Variants in FHOD3 observed in about 807,000 individuals in gnomAD.
The protein encoded by FHOD3 is formin homology 2 domain containing 3.
FHOD3 carries 90 observed loss-of-function variants against 173.0 expected under a neutral mutation model. The ratio of observed to expected loss-of-function variants is 0.52; its 90% CI spans 0.44 to 0.62. The LOEUF (loss-of-function observed/expected upper bound fraction) is 0.62, where lower values mean the gene tolerates loss of function less well. Among genes scored for constraint, FHOD3 ranks in the 20% least tolerant of loss-of-function variants. The pLI, the probability that FHOD3 is intolerant of heterozygous loss-of-function variation, is 0.00. For missense variants in FHOD3, 1,945 were observed against 2,034.7 expected, an observed-to-expected ratio of 0.96 and a Z score of 0.85; for synonymous variants, 828 against 823.0, an observed-to-expected ratio of 1.01 and a Z score of -0.10.
chr18:36,302,103 G>A (rs2091968797), intron 1 of FHOD3, among the ~76,000 whole-genome samples: 1 of 152,182 alleles, frequency 6.6e-6, no homozygotes, highest in Non-Finnish European at 1.5e-5. Context: ...GTTCCGAGTT[G>A]GCATGTGACA....
chr18:36,302,079 CA>C (rs1484325802), intron 1 of FHOD3, among the ~76,000 whole-genome samples: 1 of 152,210 alleles, frequency 6.6e-6, no homozygotes, highest in Non-Finnish European at 1.5e-5. Flanking sequence ...GTCACCTGGT[CA>C]CATGAGTGAG....
rs2043271532 is a variant in FHOD3 at position 36,769,300 on chromosome 18, T to C, written c.4660T>C (p.Ser1554Pro). 6 of 1,614,090 alleles carry C rather than the reference T, an allele frequency of 3.7e-6. No homozygotes were observed. The highest frequency in any genetic ancestry group is 5.1e-6 in the Non-Finnish European group (6 of 1,180,044). The change falls in exon 28 of 29, where the codon TCG becomes CCG. Residue 1554 changes from serine to proline, a missense_variant. Physicochemically the swap from Ser to Pro is moderately conservative, Grantham distance 74 (BLOSUM62 -1). Coordinates refer to ENST00000590592, the MANE Select transcript of FHOD3 (RefSeq NM_001281740.3). ...TTCCTGGACTATGGGAACTGATGAC[T>C]CGCCCAATGTCACAGATGATGCAGC... Reference protein sequence around the residue: ...TSSWTMGTDDSPNVTDDAADE... With the variant: ...TSSWTMGTDDPPNVTDDAADE...
chr18:36,727,376 C>G (rs2041131230), intron 19 of FHOD3, among the ~76,000 whole-genome samples: 1 of 152,060 alleles, frequency 6.6e-6, no homozygotes, highest in African/African-American at 2.4e-5. Flanking sequence ...CCTACCCAAC[C>G]CACTCCCTCA....
At chr18:36,573,332 C>T (rs762437733) in intron 5 of FHOD3, among the ~76,000 whole-genome samples, 8 of 151,590 alleles carry the variant, frequency 5.3e-5, no homozygotes, top group African/African-American at 9.7e-5. Flanking sequence ...TAACTGGGCA[C>T]GGTGGCTTAT....
At chr18:36,728,450 T>C (rs1014757012) in intron 19 of FHOD3, among the ~76,000 whole-genome samples, 7 of 152,220 alleles carry the variant, frequency 4.6e-5, no homozygotes, top group Non-Finnish European at 5.9e-5. Context: ...AACAGAACAC[T>C]TTCCCTGAAG....
intron 3 of FHOD3, among the ~76,000 whole-genome samples, chr18:36,498,390 C>T (rs1417016727): frequency 6.6e-6 from 1 of 152,036 alleles, no homozygotes; most frequent in African/African-American, 2.4e-5. Context: ...AAATCAATAG[C>T]TGATTCTTGA....
At position 36,594,849 on chromosome 18, in the gene FHOD3, C is replaced by T. The variant is rs1277276518; in HGVS notation, c.669C>T (p.Ser223=). The change falls in exon 7 of 29, where the codon TCC becomes TCT. Residue 223 remains serine, a synonymous_variant. Transcript: ENST00000590592. ...LLLVFVEYSE[S]NAPLLIQAVT... ...TCGTCTTTGTAGAGTACTCGGAGTCCAACGCACCTCTCCTAATTCAGGCTG... is the reference window on the plus strand; with the variant it reads ...TCGTCTTTGTAGAGTACTCGGAGTCTAACGCACCTCTCCTAATTCAGGCTG... The T allele has an allele frequency of 3.1e-6, 5 of 1,613,784 alleles. No individual in the cohort carries two copies. Among genetic ancestry groups the T allele is most frequent in the Non-Finnish European group, 4.2e-6 (5 of 1,179,944 alleles).
chr18:36,762,673 G>A (rs1037197191), intron 27 of FHOD3, among the ~76,000 whole-genome samples: 19 of 151,986 alleles, frequency 1.3e-4, no homozygotes, highest in African/African-American at 4.6e-4. Flanking sequence ...TCACATGCCT[G>A]TAATCCTAGC....
chr18:36,589,927 A>G (rs1297667190), intron 6 of FHOD3, among the ~76,000 whole-genome samples: 1 of 151,440 alleles, frequency 6.6e-6, no homozygotes, highest in East Asian at 1.9e-4. Context: ...TTGTAGTGAA[A>G]CCCTTCGTTA....
At chr18:36,457,209 A>G (rs16967879) in intron 3 of FHOD3, among the ~76,000 whole-genome samples, 22,544 of 152,092 alleles carry the variant, frequency 0.15, 3,883 homozygotes, top group African/African-American at 0.41. Flanking sequence ...GTTGGTGCCC[A>G]CTCAGAAGAC....
At chr18:36,348,898 C>T (rs1227590282) in intron 1 of FHOD3, among the ~76,000 whole-genome samples, 1 of 152,224 alleles carries the variant, frequency 6.6e-6, no homozygotes, top group Non-Finnish European at 1.5e-5. Flanking sequence ...GCAAACCTCT[C>T]ACCCACCTGC....
At chr18:36,482,555 A>G (rs1189158288) in intron 3 of FHOD3, among the ~76,000 whole-genome samples, 2 of 152,030 alleles carry the variant, frequency 1.3e-5, no homozygotes, top group Non-Finnish European at 2.9e-5. Context: ...CTGGGAGTAT[A>G]GTAGGGAGAG....
chr18:36,350,921 G>A (rs1384024813), intron 1 of FHOD3, among the ~76,000 whole-genome samples: 1 of 152,156 alleles, frequency 6.6e-6, no homozygotes, highest in East Asian at 1.9e-4. Flanking sequence ...AACTAAACAT[G>A]ACCCCATCCC....
intron 3 of FHOD3, among the ~76,000 whole-genome samples, chr18:36,426,825 A>G (rs1012528604): frequency 6.6e-6 from 1 of 152,186 alleles, no homozygotes; most frequent in Non-Finnish European, 1.5e-5. Context: ...TTCTGTTATT[A>G]TCTTCATTTT....
At chr18:36,394,310 T>C (rs756034458) in intron 3 of FHOD3, among the ~76,000 whole-genome samples, 1 of 152,108 alleles carries the variant, frequency 6.6e-6, no homozygotes, top group Non-Finnish European at 1.5e-5. Context: ...CAAGCAGACA[T>C]TGAGATTTTT....
intron 3 of FHOD3, among the ~76,000 whole-genome samples, chr18:36,411,105 T>C (rs752352561): frequency 4.8e-4 from 73 of 152,308 alleles, no homozygotes; most frequent in Non-Finnish European, 8.5e-4. Flanking sequence ...CCATGAAGAT[T>C]TACTTCAATT....
At chr18:36,674,806 G>A (rs1286366061) in intron 14 of FHOD3, among the ~76,000 whole-genome samples, 1 of 152,112 alleles carries the variant, frequency 6.6e-6, no homozygotes, top group Non-Finnish European at 1.5e-5. Flanking sequence ...TCACATGCAA[G>A]CACGTGCCCC....
chr18:36,547,802 C>T (rs1213598237), intron 5 of FHOD3, among the ~76,000 whole-genome samples: 1 of 152,158 alleles, frequency 6.6e-6, no homozygotes, highest in African/African-American at 2.4e-5. Context: ...GCCTGGGTAG[C>T]CAGCTGCTTC....
intron 8 of FHOD3, among the ~76,000 whole-genome samples, chr18:36,606,508 G>T (rs1458000762): frequency 6.6e-6 from 1 of 152,036 alleles, no homozygotes; most frequent in East Asian, 1.9e-4. Context: ...TGTTTCTAAC[G>T]CATGAACTTT....
Sources: allele counts gnomAD v4.1 joint callset (sites outside exome capture counted in the v4.1 genomes callset), GRCh38; gene constraint gnomAD v4.1.1; transcripts MANE v1.5; gene names NCBI Gene and HGNC (gene_info 2026-07-23, HGNC 2026-07-21).